Variants in EFCAB6 observed in about 807,000 individuals in gnomAD.
EFCAB6 encodes EF-hand calcium binding domain 6, also known as EF-hand calcium-binding domain-containing protein 6.
A neutral mutation model predicts 169.8 loss-of-function variants in EFCAB6; 156 were observed. That is an observed-to-expected ratio of 0.92 (90% CI 0.81 to 1.05). The LOEUF (loss-of-function observed/expected upper bound fraction) is 1.05, where lower values mean the gene tolerates loss of function less well. Among genes scored for constraint, EFCAB6 ranks in the 50% least tolerant of loss-of-function variants. The probability of loss-of-function intolerance (pLI) is 0.00; values close to 1 mark genes in which losing one functional copy is unlikely to be tolerated. For synonymous variants in EFCAB6, 698 were observed against 676.4 expected (o/e 1.03, Z -0.50); for missense variants, 1,800 against 1,829.1 (o/e 0.98, Z 0.29).
intron 23 of EFCAB6, 27 bp from the exon 24 acceptor site, chr22:43,590,256 C>T (rs756710251): frequency 1.3e-6 from 2 of 1,596,478 alleles, no homozygotes; most frequent in East Asian, 4.5e-5. Flanking sequence ...TGCAGACATA[C>T]CCTAAAATCA....
At chr22:43,555,166 C>T (rs753626927) in intron 26 of EFCAB6, 70 bp from the exon 27 acceptor site, 65 of 1,530,820 alleles carry the variant, frequency 4.2e-5, no homozygotes, top group Non-Finnish European at 5.4e-5. Flanking sequence ...GGGCTCCTCA[C>T]CCAGGGCAAG....
At chr22:43,740,054 C>T (rs1290325535) in intron 6 of EFCAB6, among the ~76,000 whole-genome samples, 2 of 151,986 alleles carry the variant, frequency 1.3e-5, no homozygotes. Flanking sequence ...CACTGCTCCC[C>T]ATGACTGCTC....
intron 17 of EFCAB6, among the ~76,000 whole-genome samples, chr22:43,657,245 C>A (rs545264838): frequency 4.3e-4 from 65 of 152,194 alleles, no homozygotes; most frequent in African/African-American, 1.6e-3. Flanking sequence ...TAGTGAGTTG[C>A]GATGGCACCC....
intron 2 of EFCAB6, among the ~76,000 whole-genome samples, chr22:43,807,253 C>T (rs906801038): frequency 6.6e-6 from 1 of 152,180 alleles, no homozygotes; most frequent in African/African-American, 2.4e-5. Context: ...ATGACCAAGG[C>T]ACTGTGAGGA....
At chr22:43,779,753 GA>G (rs1569484833) in intron 3 of EFCAB6, among the ~76,000 whole-genome samples, 1 of 150,540 alleles carries the variant, frequency 6.6e-6, no homozygotes, top group African/African-American at 2.4e-5. Context: ...AAAACAACAA[GA>G]AAAAAAAGTT....
rs1424820963 is a variant in EFCAB6, at chr22:43,683,811, T to C, written c.1187A>G (p.Lys396Arg). Residue 396 changes from lysine (K) to arginine (R), a missense_variant, in exon 12 of 32, where the codon AAG becomes AGG. Transcript: ENST00000262726. ...GTGATCTTCAGTGTGTCTAAATAACTTTGTGATGATGTTTTCCTTGTGAGA... is the reference window on the plus strand; with the variant it reads ...GTGATCTTCAGTGTGTCTAAATAACCTTGTGATGATGTTTTCCTTGTGAGA... The part of the protein sequence containing the change: ...NESHKENIIT[K>R]LFRHTEDHSA... 13 of 1,613,724 alleles carry C rather than the reference T, an allele frequency of 8.1e-6. No individual in the cohort carries two copies. The highest frequency in any genetic ancestry group is 1.1e-5 in the Non-Finnish European group (13 of 1,179,620).
chr22:43,676,586 T>C (rs2057773317), intron 13 of EFCAB6, among the ~76,000 whole-genome samples: 1 of 152,152 alleles, frequency 6.6e-6, no homozygotes, highest in African/African-American at 2.4e-5. Context: ...GTTTGGCATA[T>C]TTTCTAATCT....
intron 17 of EFCAB6, among the ~76,000 whole-genome samples, chr22:43,664,751 C>T (rs1334222207): frequency 6.6e-6 from 1 of 152,102 alleles, no homozygotes; most frequent in Non-Finnish European, 1.5e-5. Flanking sequence ...GGAGGATGAC[C>T]AGAGCTGAGA....
At chr22:43,604,300 A>G (rs1020301178) in intron 22 of EFCAB6, among the ~76,000 whole-genome samples, 1 of 152,170 alleles carries the variant, frequency 6.6e-6, no homozygotes, top group East Asian at 1.9e-4. Flanking sequence ...TGATGAAATC[A>G]CAGAAGATCA....
chr22:43,735,792 G>T lies in EFCAB6; in HGVS notation c.644+65C>A. The T allele has an allele frequency of 1.9e-6, 3 of 1,584,686 alleles. 1 individual carries two copies. Among genetic ancestry groups the T allele is most frequent in the South Asian group, 2.3e-5 (2 of 86,182 alleles). Reference sequence around the variant, plus strand: ...TGGATGGAGCCAATGAACCCAACAGGTCTCATTCTGAAATTGGTTAAAAGT... The same window carrying T: ...TGGATGGAGCCAATGAACCCAACAGTTCTCATTCTGAAATTGGTTAAAAGT... On this transcript the variant is annotated intron_variant, in intron 7 of 31. Transcript: ENST00000262726.
intron 29 of EFCAB6, 198 bp from the exon 30 acceptor site, chr22:43,535,070 C>T (rs997679167): frequency 1.2e-5 from 7 of 585,444 alleles, no homozygotes; most frequent in African/African-American, 9.4e-5. Flanking sequence ...GAGGGGGACC[C>T]TGAGTCCCGC....
At chr22:43,641,593 G>C (rs1373228395) in intron 17 of EFCAB6, among the ~76,000 whole-genome samples, 2 of 143,112 alleles carry the variant, frequency 1.4e-5, no homozygotes, top group Non-Finnish European at 3.0e-5. Context: ...TCCAGCCTGG[G>C]AGACAAAAGC....
intron 24 of EFCAB6, among the ~76,000 whole-genome samples, chr22:43,587,586 TTGTC>T (rs2051162015): frequency 6.6e-6 from 1 of 152,120 alleles, no homozygotes; most frequent in African/African-American, 2.4e-5. Context: ...GGCCTTCTCT[TTGTC>T]TGTGTCAAAT....
chr22:43,610,808 T>C (rs968718768), intron 21 of EFCAB6, among the ~76,000 whole-genome samples: 11 of 152,202 alleles, frequency 7.2e-5, no homozygotes, highest in African/African-American at 2.7e-4. Context: ...AGGTCTGGCA[T>C]GTAAGAAACT....
intron 24 of EFCAB6, among the ~76,000 whole-genome samples, chr22:43,582,792 A>T (rs1231567001): frequency 6.6e-6 from 1 of 152,136 alleles, no homozygotes; most frequent in Non-Finnish European, 1.5e-5. Context: ...TGCTGGGGAA[A>T]CCTGAAGGTC....
In EFCAB6 at chr22:43,614,177, CAA is replaced by C. The variant is rs56164555; in HGVS notation, c.2562+1647_2562+1648del. Among the ~76,000 whole-genome samples the C allele has an allele frequency of 2.3e-4, 16 of 68,776 alleles. 1 individual carries two copies. The highest frequency in any genetic ancestry group is 4.3e-4 in the African/African-American group (6 of 13,990). The allele number at this position is 68,776 out of a possible 152,430, so 45.1% of individuals were successfully genotyped here. A position where few individuals can be genotyped will look rare whatever the true frequency, so the allele number is the denominator to read the frequency against. ...ACTCAGAATAGCCAACACAATACTGCAAAAAAAAAAAAAAAAGAACAAACTTG... is the reference window on the plus strand; with the variant it reads ...ACTCAGAATAGCCAACACAATACTGCAAAAAAAAAAAAAAGAACAAACTTG... On this transcript the variant is annotated intron_variant, in intron 21 of 31. Transcript: ENST00000262726.
chr22:43,547,520 A>C (rs2048129414), intron 27 of EFCAB6, among the ~76,000 whole-genome samples: 1 of 151,986 alleles, frequency 6.6e-6, no homozygotes, highest in Admixed American at 6.6e-5. Context: ...CAGGTGAATC[A>C]CTTGAGCTCA....
chr22:43,684,426 C>A (rs1278577697), intron 11 of EFCAB6, among the ~76,000 whole-genome samples: 1 of 152,150 alleles, frequency 6.6e-6, no homozygotes, highest in South Asian at 2.1e-4. Flanking sequence ...GCCAGGACTA[C>A]CCCCTCTGGA....
rs116260020 is a variant in EFCAB6, at chr22:43,781,958, C to T, written c.139+222G>A. Reference sequence around the variant, plus strand: ...GGAATCATACTCCCTGGGTTCAAATCCTGACATACCACTTAAAACCTTGTA... The same window carrying T: ...GGAATCATACTCCCTGGGTTCAAATTCTGACATACCACTTAAAACCTTGTA... On this transcript the variant is annotated intron_variant, in intron 3 of 31. Transcript: ENST00000262726. Among the ~76,000 whole-genome samples the T allele has an allele frequency of 1.6e-3, 251 of 152,244 alleles. 1 individual carries two copies. Among genetic ancestry groups the T allele is most frequent in the African/African-American group, 5.9e-3 (247 of 41,548 alleles).
Sources: allele counts gnomAD v4.1 joint callset (sites outside exome capture counted in the v4.1 genomes callset), GRCh38; gene constraint gnomAD v4.1.1; transcripts MANE v1.5; gene names NCBI Gene and HGNC (gene_info 2026-07-23, HGNC 2026-07-21).